Variants in DLGAP2 observed in about 807,000 individuals in gnomAD.
DLGAP2 encodes DLG associated protein 2.
In DLGAP2, 26 loss-of-function variants were observed where a neutral mutation model predicts 100.3. The ratio of observed to expected loss-of-function variants is 0.26; its 90% CI spans 0.19 to 0.36. The LOEUF (loss-of-function observed/expected upper bound fraction) is 0.36, where lower values mean the gene tolerates loss of function less well. Ranked by LOEUF, DLGAP2 falls within the 10% of genes least tolerant of loss-of-function variation. DLGAP2 has a pLI of 1.00. For synonymous variants in DLGAP2, 886 were observed against 630.1 expected (o/e 1.41, Z -6.08); for missense variants, 1,858 against 1,453.2 (o/e 1.28, Z -4.53).
At chr8:1,391,157 T>G (rs1200055438) in intron 3 of DLGAP2, among the ~76,000 whole-genome samples, 1 of 152,200 alleles carries the variant, frequency 6.6e-6, no homozygotes, top group East Asian at 1.9e-4. Context: ...GAGACCCCGG[T>G]TGGCTAGATG....
intron 2 of DLGAP2, among the ~76,000 whole-genome samples, chr8:1,024,082 C>G (rs750446750): frequency 6.6e-6 from 1 of 151,962 alleles, no homozygotes; most frequent in Non-Finnish European, 1.5e-5. Flanking sequence ...TCCTGCAGGA[C>G]GAGGCCTCCG....
chr8:1,512,936 A>G (rs1800223434), intron 4 of DLGAP2, among the ~76,000 whole-genome samples: 1 of 152,170 alleles, frequency 6.6e-6, no homozygotes, highest in African/African-American at 2.4e-5. Context: ...TTGGTGTCCC[A>G]GGCCACAGCG....
chr8:1,651,923 C>T (rs1025297862), intron 8 of DLGAP2, among the ~76,000 whole-genome samples: 2 of 152,190 alleles, frequency 1.3e-5, no homozygotes, highest in Non-Finnish European at 2.9e-5. Flanking sequence ...CCAGCCTTTG[C>T]ATGAGGCAGC....
intron 1 of DLGAP2, among the ~76,000 whole-genome samples, chr8:843,658 G>C (rs976952108): frequency 5.3e-5 from 8 of 152,220 alleles, no homozygotes; most frequent in African/African-American, 1.7e-4. Flanking sequence ...AATGGTTTTT[G>C]GGTTTTGCTA....
chr8:1,279,208 C>T (rs566261415), intron 3 of DLGAP2, among the ~76,000 whole-genome samples: 1 of 152,218 alleles, frequency 6.6e-6, no homozygotes, highest in Non-Finnish European at 1.5e-5. Flanking sequence ...CTCAAAAGCC[C>T]TTTGTAAGAA....
chr8:972,610 T>TTTTTTCTTTTTC (rs906328175), intron 2 of DLGAP2, among the ~76,000 whole-genome samples: 1 of 151,318 alleles, frequency 6.6e-6, no homozygotes, highest in Non-Finnish European at 1.5e-5. Context: ...TTTTTTGTAT[T>TTTTTTCTTTTTC]TTTTTCTTAT....
chr8:1,415,135 TACAC>T (rs1018815454), intron 3 of DLGAP2, among the ~76,000 whole-genome samples: 3 of 152,214 alleles, frequency 2.0e-5, no homozygotes, highest in Admixed American at 1.3e-4. Flanking sequence ...TACAAACAGG[TACAC>T]ACATGCGTAC....
chr8:1,152,033 T>C (rs186061489), intron 2 of DLGAP2, among the ~76,000 whole-genome samples: 2 of 152,390 alleles, frequency 1.3e-5, no homozygotes, highest in Non-Finnish European at 2.9e-5. Context: ...TCATTTTTAA[T>C]GTTTTCCAAA....
chr8:937,031 A>C (rs967088069), intron 2 of DLGAP2, among the ~76,000 whole-genome samples: 1 of 152,182 alleles, frequency 6.6e-6, no homozygotes, highest in African/African-American at 2.4e-5. Context: ...TTCTGTGTAC[A>C]GAGGTCTTGC....
intron 12 of DLGAP2, among the ~76,000 whole-genome samples, chr8:1,690,171 C>T (rs1202306915): frequency 6.6e-6 from 1 of 151,872 alleles, no homozygotes; most frequent in African/African-American, 2.4e-5. Flanking sequence ...GCCTGGCCAA[C>T]ATGGTGAAAC....
intron 2 of DLGAP2, among the ~76,000 whole-genome samples, chr8:979,814 T>G (rs1356133881): frequency 1.3e-5 from 2 of 152,242 alleles, no homozygotes; most frequent in African/African-American, 2.4e-5. Flanking sequence ...ATGGCCTGCC[T>G]AAGTGAAAGA....
At chr8:1,291,104 A>C (rs10089701) in intron 3 of DLGAP2, among the ~76,000 whole-genome samples, 2 of 152,044 alleles carry the variant, frequency 1.3e-5, no homozygotes, top group African/African-American at 4.8e-5. Context: ...AAATAATAAC[A>C]TCATGAAGAA....
rs78100316 is a variant in DLGAP2, at chr8:1,043,719, G to C, written c.73+135753G>C. ...AGGTGTGAAGGGAAGGAAGTGTTCT[G>C]GCCTGTTAGGTTGTCAAATAGTAAT... is the stretch of plus-strand genomic sequence containing the variant. On this transcript the variant is annotated intron_variant, in intron 2 of 14. Coordinates refer to ENST00000637795, the MANE Select transcript of DLGAP2 (RefSeq NM_001346810.2). 7.9e-5 allele frequency among the ~76,000 whole-genome samples: 12 copies of C among 152,116 alleles called. No individual in the cohort carries two copies. In the East Asian group the frequency reaches 2.3e-3, roughly 29 times the overall value.
chr8:1,552,047 G>A (rs1345755591), intron 5 of DLGAP2, among the ~76,000 whole-genome samples: 1 of 152,068 alleles, frequency 6.6e-6, no homozygotes, highest in African/African-American at 2.4e-5. Flanking sequence ...GTGTCTGTCA[G>A]TCTGAGTTCC....
intron 1 of DLGAP2, among the ~76,000 whole-genome samples, chr8:742,708 G>A (rs575267586): frequency 6.6e-6 from 1 of 151,784 alleles, no homozygotes; most frequent in Non-Finnish European, 1.5e-5. Context: ...AGGTCTTGCA[G>A]TGTTGCCCAG....
At chr8:792,028 T>C (rs1041950107) in intron 1 of DLGAP2, among the ~76,000 whole-genome samples, 1 of 152,228 alleles carries the variant, frequency 6.6e-6, no homozygotes, top group Non-Finnish European at 1.5e-5. Flanking sequence ...TGGATGTACC[T>C]GTACGATGTT....
chr8:1,441,912 T>C (rs960501916), intron 3 of DLGAP2, among the ~76,000 whole-genome samples: 11 of 152,044 alleles, frequency 7.2e-5, no homozygotes, highest in Admixed American at 1.3e-4. Context: ...ATATACACTA[T>C]GGAATACTAT....
chr8:1,420,068 A>G (rs1797045864), intron 3 of DLGAP2, among the ~76,000 whole-genome samples: 1 of 152,184 alleles, frequency 6.6e-6, no homozygotes, highest in African/African-American at 2.4e-5. Context: ...GTCACTGGCC[A>G]TCCCTGATCC....
In DLGAP2 at chr8:811,522, C is replaced by T. The variant is rs1166882474; in HGVS notation, c.18+73697C>T. The stretch of plus-strand genomic sequence containing the variant: ...GCCGTGGTGAGAGGCCACCAGCTTT[C>T]GGATGAAGCTCCCATCATCCTTGGA... On this transcript the variant is annotated intron_variant, in intron 1 of 14. Transcript: ENST00000637795. 5.5e-5 allele frequency among the ~76,000 whole-genome samples: 8 copies of T among 146,322 alleles called. No individual in the cohort carries two copies. The East Asian group carries it at 8.4e-4, about 15-fold the overall frequency.
Sources: allele counts gnomAD v4.1 joint callset (sites outside exome capture counted in the v4.1 genomes callset), GRCh38; gene constraint gnomAD v4.1.1; transcripts MANE v1.5; gene names NCBI Gene and HGNC (gene_info 2026-07-23, HGNC 2026-07-21).